IL1RAPL2: variants seen among roughly 807,000 people sequenced by gnomAD.
IL1RAPL2 encodes X-linked interleukin-1 receptor accessory protein-like 2.
IL1RAPL2 carries 3 observed loss-of-function variants against 44.1 expected under a neutral mutation model. The ratio of observed to expected loss-of-function variants is 0.07; its 90% confidence interval spans 0.03 to 0.18. The LOEUF is 0.18. IL1RAPL2 is among the 10% of genes least tolerant of loss of function. The probability of loss-of-function intolerance (pLI) is 1.00; values close to 1 mark genes in which losing one functional copy is unlikely to be tolerated. For synonymous variants in IL1RAPL2, 181 were observed against 178.8 expected, an observed-to-expected ratio of 1.01 and a Z score of -0.10; for missense variants, 391 against 496.4, an observed-to-expected ratio of 0.79 and a Z score of 2.02.
intron 2 of IL1RAPL2, among the ~76,000 whole-genome samples, chrX:104,708,936 T>A (rs1931406450): frequency 9.0e-6 from 1 of 111,288 alleles, no homozygotes; most frequent in South Asian, 3.7e-4. Flanking sequence ...CTGCCAAATT[T>A]AATTGAGAAG....
intron 2 of IL1RAPL2, among the ~76,000 whole-genome samples, chrX:104,676,532 A>C (rs767595092): frequency 1.0e-3 from 112 of 111,158 alleles, no homozygotes; most frequent in African/African-American, 2.8e-3. Context: ...TGCCCTTAAC[A>C]TTTTTTCCTT....
At chrX:105,434,963 C>T (rs903054044) in intron 5 of IL1RAPL2, among the ~76,000 whole-genome samples, 4 of 111,580 alleles carry the variant, frequency 3.6e-5, no homozygotes, top group South Asian at 7.5e-4. Flanking sequence ...ATTTATTAAA[C>T]GGGTAATAGT....
chrX:104,689,836 A>T (rs966882227), intron 2 of IL1RAPL2, among the ~76,000 whole-genome samples: 5 of 112,141 alleles, frequency 4.5e-5, no homozygotes, highest in African/African-American at 1.6e-4. Flanking sequence ...TAGAATACAC[A>T]TAGATGGTAA....
At position 104,823,561 on chromosome X, in the gene IL1RAPL2, C is replaced by T. The variant is rs766217516; in HGVS notation, c.82+164566C>T. Among the ~76,000 whole-genome samples the T allele has an allele frequency of 3.7e-3, 399 of 107,625 alleles. 7 individuals are homozygous for T. The highest frequency in any genetic ancestry group is 0.012 in the African/African-American group (366 of 29,515). The allele number at this position is 107,625 out of a possible 115,157, so 93.5% of individuals were successfully genotyped here. On this transcript the variant is annotated intron_variant, in intron 2 of 10. Transcript: ENST00000372582. ...TGTGAATAATGCCGCAATAAACATA[C>T]GTGTGCATGTGTCTTTATAGCAGCA...
chrX:105,209,772 C>T (rs2033793504), intron 3 of IL1RAPL2, among the ~76,000 whole-genome samples: 1 of 112,070 alleles, frequency 8.9e-6, no homozygotes, highest in East Asian at 2.8e-4. Context: ...ATGTTAATAT[C>T]TTTCCATAAT....
At chrX:104,765,803 A>T (rs1932543354) in intron 2 of IL1RAPL2, among the ~76,000 whole-genome samples, 1 of 112,136 alleles carries the variant, frequency 8.9e-6, no homozygotes, top group Non-Finnish European at 1.9e-5. Context: ...AAGTACCTGC[A>T]TCAGTGGTAT....
intron 2 of IL1RAPL2, among the ~76,000 whole-genome samples, chrX:104,873,621 C>T (rs1441606121): frequency 2.7e-5 from 3 of 110,841 alleles, no homozygotes; most frequent in Non-Finnish European, 3.8e-5. Flanking sequence ...AAGAGCAAGG[C>T]GGTAAATCAC....
At chrX:105,303,353 A>T (rs2034711027) in intron 5 of IL1RAPL2, among the ~76,000 whole-genome samples, 2 of 111,828 alleles carry the variant, frequency 1.8e-5, no homozygotes, top group South Asian at 7.6e-4. Context: ...CTTCAACTGC[A>T]GCTTCCAGAA....
intron 10 of IL1RAPL2, 23 bp from the exon 11 acceptor site, chrX:105,766,941 T>G (rs1191229861): frequency 3.6e-6 from 4 of 1,118,958 alleles, no homozygotes; most frequent in Non-Finnish European, 4.9e-6. Flanking sequence ...GTTTTACTCT[T>G]TCTCTCTTTC....
At chrX:104,722,804 C>T (rs966610613) in intron 2 of IL1RAPL2, among the ~76,000 whole-genome samples, 15 of 111,565 alleles carry the variant, frequency 1.3e-4, no homozygotes, top group African/African-American at 4.9e-4. Context: ...TGGACATACA[C>T]AGGACATGCA....
chrX:105,338,596 C>A (rs777699212), intron 5 of IL1RAPL2, among the ~76,000 whole-genome samples: 6 of 111,925 alleles, frequency 5.4e-5, no homozygotes, highest in Non-Finnish European at 7.5e-5. Context: ...CATAGCATTG[C>A]ATATAGGCTA....
chrX:105,182,166 T>A (rs2033538604), intron 2 of IL1RAPL2, among the ~76,000 whole-genome samples: 1 of 111,714 alleles, frequency 9.0e-6, no homozygotes, highest in Admixed American at 9.5e-5. Flanking sequence ...TAAGGTCCTA[T>A]TTCAATCCAA....
Position 104,944,292 on chromosome X carries a change from C to T in IL1RAPL2, c.83-251183C>T, listed in dbSNP as rs964862773. Among the ~76,000 whole-genome samples, 5 of 111,899 alleles carry T rather than the reference C, an allele frequency of 4.5e-5. No individual in the cohort carries two copies. In the Admixed American group the frequency reaches 4.7e-4, roughly 11 times the overall value. ...CTTCTTTCTTTTCTAAACATCTCCT[C>T]TAGAGTAAAATCAAGGACATTTTAT... On this transcript the variant is annotated intron_variant, in intron 2 of 10. Transcript: ENST00000372582.
intron 5 of IL1RAPL2, chrX:105,406,122 T>G: frequency 8.4e-7 from 1 of 1,188,778 alleles, no homozygotes. Context: ...TCGAGTATAC[T>G]CTTGACTTAA....
At chrX:105,314,320 T>G (rs1321385) in intron 5 of IL1RAPL2, among the ~76,000 whole-genome samples, 29,040 of 109,049 alleles carry the variant, frequency 0.27, 7,853 homozygotes, top group African/African-American at 0.83. Context: ...TGGTATTTGG[T>G]AGTGAACTTA....
At chrX:104,586,304 T>C (rs990358628) in intron 1 of IL1RAPL2, among the ~76,000 whole-genome samples, 1 of 111,865 alleles carries the variant, frequency 8.9e-6, no homozygotes, top group African/African-American at 3.3e-5. Flanking sequence ...TGATTTTTGC[T>C]TTAAAATTTG....
At chrX:104,567,613 C>T (rs765977309) in intron 1 of IL1RAPL2, among the ~76,000 whole-genome samples, 3 of 112,320 alleles carry the variant, frequency 2.7e-5, no homozygotes, top group South Asian at 7.4e-4. Context: ...CCCTGTGGTT[C>T]CCGAGACGCC....
chrX:104,755,801 G>T (rs1932331683), intron 2 of IL1RAPL2, among the ~76,000 whole-genome samples: 1 of 110,968 alleles, frequency 9.0e-6, no homozygotes, highest in Non-Finnish European at 1.9e-5. Context: ...AATTTACTGG[G>T]ATTACTTTGT....
Position 105,322,850 on chromosome X carries a change from A to C in IL1RAPL2, c.697+55309A>C, listed in dbSNP as rs1046801623. 3.0e-5 allele frequency among the ~76,000 whole-genome samples: 3 copies of C among 98,416 alleles called. No homozygotes were observed. In the Admixed American group the frequency reaches 3.7e-4, roughly 12 times the overall value. 85.5% of individuals were successfully genotyped at this position (98,416 alleles called of 115,157 possible). On this transcript the variant is annotated intron_variant, in intron 5 of 10. Coordinates refer to ENST00000372582, the MANE Select transcript of IL1RAPL2 (RefSeq NM_017416.2). ...AGGAGTGAGAACCTATCAGATTCAC[A>C]GAAGGGATTATACAAGGTATGTATG...
Sources: allele counts gnomAD v4.1 joint callset (sites outside exome capture counted in the v4.1 genomes callset), GRCh38; gene constraint gnomAD v4.1.1; transcripts MANE v1.5; gene names NCBI Gene and HGNC (gene_info 2026-07-23, HGNC 2026-07-21).